Variants in HK1 observed in about 807,000 individuals in gnomAD.
HK1 encodes hexokinase-1.
In HK1, 28 loss-of-function variants were observed where a neutral mutation model predicts 91.6. That is an observed-to-expected ratio of 0.31 (90% CI 0.23 to 0.42). The LOEUF (loss-of-function observed/expected upper bound fraction) is 0.42. Ranked by LOEUF, HK1 falls within the 10% of genes least tolerant of loss-of-function variation. The probability of loss-of-function intolerance (pLI) is 1.00; values close to 1 mark genes in which losing one functional copy is unlikely to be tolerated. For synonymous variants in HK1, 430 were observed against 468.1 expected (o/e 0.92, Z 1.05); for missense variants, 770 against 1,219.8 (o/e 0.63, Z 5.49).
chr10:69,355,291 A>G (rs1184556110), intron 2 of HK1, among the ~76,000 whole-genome samples: 1 of 152,188 alleles, frequency 6.6e-6, no homozygotes, highest in Non-Finnish European at 1.5e-5. Context: ...ATTGTTAAAA[A>G]CAGAAAGCAA....
At chr10:69,307,183 G>A (rs1395214321) in intron 5 of HK1, among the ~76,000 whole-genome samples, 1 of 152,084 alleles carries the variant, frequency 6.6e-6, no homozygotes, top group Non-Finnish European at 1.5e-5. Context: ...TGATTCTTTG[G>A]GAAGGGCATA....
chr10:69,382,483 T>C lies in HK1; in HGVS notation c.1266-4T>C, dbSNP rs1267442124. ...TTGTGGAATGTCCCCCCTGCCCCCA[T>C]AAGGTATTCCCGGCGTTTCCACAAG... On this transcript the variant is annotated splice_region_variant and splice_polypyrimidine_tract_variant and intron_variant, in intron 9 of 17. Transcript: ENST00000359426. The C allele has an allele frequency of 6.2e-7, 1 of 1,613,984 alleles. No individual in the cohort carries two copies. The highest frequency in any genetic ancestry group is 2.2e-5 in the East Asian group (1 of 44,878).
chr10:69,304,318 A>ATTTT lies in HK1; in HGVS notation c.27+3459_27+3462dup, dbSNP rs869061170. ...TATTTATTTATTTATTTATTTATTT[A>ATTTT]TTTTTGGGGGACAGAGTCTCGCTCT... On this transcript the variant is annotated intron_variant, in intron 5 of 21. Transcript: ENST00000360289. Among the ~76,000 whole-genome samples the ATTTT allele has an allele frequency of 2.3e-5, 3 of 128,230 alleles. No homozygotes were observed. The Admixed American group carries it at 2.5e-4, about 11-fold the overall frequency. 84.1% of individuals were successfully genotyped at this position (128,230 alleles called of 152,430 possible).
At chr10:69,342,601 G>A (rs1340881713) in intron 1 of HK1, among the ~76,000 whole-genome samples, 2 of 152,226 alleles carry the variant, frequency 1.3e-5, no homozygotes, top group Non-Finnish European at 2.9e-5. Context: ...TGGCAGTGGG[G>A]AGGCATTGCA....
rs911620606 is a variant in HK1, at chr10:69,401,298, T to C, written c.*163T>C. On this transcript the variant is annotated 3_prime_UTR_variant, in exon 18 of 18. Coordinates refer to ENST00000359426, the MANE Select transcript of HK1 (RefSeq NM_000188.3). ...ATGGTATATATTGTAGGGTACAGAA[T>C]AGAGCGTGTGCTGTTGATAATATCT... is the stretch of plus-strand genomic sequence containing the variant. The C allele has an allele frequency of 1.3e-6, 1 of 741,430 alleles. No homozygotes were observed. The highest frequency in any genetic ancestry group is 2.3e-6 in the Non-Finnish European group (1 of 442,086). The allele number at this position is 741,430 out of a possible 1,614,324, so 45.9% of individuals were successfully genotyped here.
chr10:69,400,937 GC>G (rs1840358380), intron 17 of HK1, 53 bp from the exon 18 acceptor site: 4 of 1,604,104 alleles, frequency 2.5e-6, no homozygotes, highest in Non-Finnish European at 8.5e-7. Flanking sequence ...TTTCGGGTAG[GC>G]CCAGCGTCTC....
chr10:69,283,798 CAAA>C (rs571297748), intron 2 of HK1, among the ~76,000 whole-genome samples: 1 of 67,628 alleles, frequency 1.5e-5, no homozygotes, highest in African/African-American at 6.6e-5. Flanking sequence ...GACTCTGTCT[CAAA>C]AAAAAAAAAA....
intron 2 of HK1, among the ~76,000 whole-genome samples, chr10:69,287,328 A>G (rs1290627711): frequency 1.3e-5 from 2 of 151,552 alleles, no homozygotes; most frequent in Non-Finnish European, 2.9e-5. Flanking sequence ...GAACCCACTC[A>G]CTATCACAAG....
intron 5 of HK1, 134 bp downstream of exon 5, chr10:69,368,765 G>A (rs1849835864): frequency 2.7e-6 from 2 of 739,622 alleles, no homozygotes; most frequent in Non-Finnish European, 4.8e-6. Flanking sequence ...GAGAGTTGAG[G>A]GCTCACAGTG....
At chr10:69,386,180 T>C (rs1362991594) in intron 12 of HK1, 143 bp from the exon 13 acceptor site, 1 of 703,568 alleles carries the variant, frequency 1.4e-6, no homozygotes, top group Non-Finnish European at 2.6e-6. Context: ...CATATTTTAT[T>C]GGTTTGTCCT....
intron 1 of HK1, among the ~76,000 whole-genome samples, chr10:69,329,035 A>G (rs1382107583): frequency 6.6e-6 from 1 of 151,904 alleles, no homozygotes; most frequent in African/African-American, 2.4e-5. Flanking sequence ...TATCTACTAC[A>G]TTTTGTTTTT....
At chr10:69,308,413 A>G (rs1209345514) in intron 5 of HK1, among the ~76,000 whole-genome samples, 1 of 152,150 alleles carries the variant, frequency 6.6e-6, no homozygotes, top group Admixed American at 6.5e-5. Context: ...TGTCCCTTTT[A>G]AGGGCTCACA....
At chr10:69,321,162 CA>C (rs1847000306) in intron 1 of HK1, among the ~76,000 whole-genome samples, 3 of 152,196 alleles carry the variant, frequency 2.0e-5, no homozygotes, top group Admixed American at 2.0e-4. Context: ...GGATTCCTGC[CA>C]GGGGGTCCAC....
At chr10:69,286,140 G>C (rs1845021214) in intron 2 of HK1, among the ~76,000 whole-genome samples, 1 of 152,320 alleles carries the variant, frequency 6.6e-6, no homozygotes, top group South Asian at 2.1e-4. Context: ...TGTGGAATTT[G>C]TCAAAATTTG....
chr10:69,350,581 G>T (rs1312524067), intron 2 of HK1, among the ~76,000 whole-genome samples: 1 of 152,004 alleles, frequency 6.6e-6, no homozygotes, highest in African/African-American at 2.4e-5. Context: ...AGAATTGCTT[G>T]AACCCGGGAG....
intron 1 of HK1, among the ~76,000 whole-genome samples, chr10:69,274,700 G>T (rs1291807314): frequency 1.3e-5 from 2 of 151,944 alleles, no homozygotes; most frequent in Non-Finnish European, 2.9e-5. Flanking sequence ...ATATTATAGG[G>T]TATCTTTCTC....
At chr10:69,272,212 C>A (rs1235633504) in intron 1 of HK1, among the ~76,000 whole-genome samples, 1 of 152,206 alleles carries the variant, frequency 6.6e-6, no homozygotes, top group African/African-American at 2.4e-5. Context: ...ATGCTGCTAG[C>A]ACTAGTGGGT....
At chr10:69,299,862 A>C (rs1262826049) in intron 4 of HK1, among the ~76,000 whole-genome samples, 1 of 150,318 alleles carries the variant, frequency 6.7e-6, no homozygotes, top group Non-Finnish European at 1.5e-5. Flanking sequence ...AGGTTTTACC[A>C]TGTTGGCCAG....
At chr10:69,300,330 T>G (rs1046118064) in intron 4 of HK1, 12 of 405,334 alleles carry the variant, frequency 3.0e-5, no homozygotes, top group African/African-American at 2.3e-4. Flanking sequence ...GGTTTTAATA[T>G]TTTAATGTTG....
Sources: allele counts gnomAD v4.1 joint callset (sites outside exome capture counted in the v4.1 genomes callset), GRCh38; gene constraint gnomAD v4.1.1; transcripts MANE v1.5; gene names NCBI Gene and HGNC (gene_info 2026-07-23, HGNC 2026-07-21).